Variants in ATF2 observed in about 807,000 individuals in gnomAD.
ATF2 encodes the protein cyclic AMP-dependent transcription factor ATF-2.
In ATF2, 24 loss-of-function variants were observed where a neutral mutation model predicts 60.6. The observed-to-expected ratio is 0.40, with a 90% confidence interval of 0.29 to 0.56. The LOEUF (loss-of-function observed/expected upper bound fraction) is 0.56. ATF2 is among the 20% of genes least tolerant of loss of function. The probability of loss-of-function intolerance (pLI) is 0.54; values close to 1 mark genes in which losing one functional copy is unlikely to be tolerated. For missense variants in ATF2, 433 were observed against 607.7 expected (o/e 0.71, Z 3.02); for synonymous variants, 206 against 215.4 (o/e 0.96, Z 0.38).
intron 4 of ATF2, among the ~76,000 whole-genome samples, chr2:175,121,942 C>T (rs1419547790): frequency 1.3e-5 from 2 of 151,750 alleles, no homozygotes; most frequent in Admixed American, 6.6e-5. Flanking sequence ...TTTACCTAGA[C>T]TTAAGGTTAC....
intron 2 of ATF2, chr2:175,147,798 T>C (rs531717393): frequency 6.6e-6 from 1 of 152,224 alleles, no homozygotes; most frequent in South Asian, 2.1e-4. Flanking sequence ...ATACATATAA[T>C]AATAAAGACA....
chr2:175,085,758 G>A (rs1574325493), intron 12 of ATF2, among the ~76,000 whole-genome samples: 1 of 152,220 alleles, frequency 6.6e-6, no homozygotes, highest in East Asian at 1.9e-4. Context: ...GCTAGGAAAG[G>A]TTAATGAACA....
At chr2:175,135,006 T>TAAAAAAA (rs60122560) in intron 3 of ATF2, among the ~76,000 whole-genome samples, 1 of 85,782 alleles carries the variant, frequency 1.2e-5, no homozygotes, top group African/African-American at 4.5e-5. Flanking sequence ...CCCATCTCTT[T>TAAAAAAA]AAAAAAAAAA....
At chr2:175,093,984 A>ATCT (rs1266494510) in intron 11 of ATF2, among the ~76,000 whole-genome samples, 1 of 152,220 alleles carries the variant, frequency 6.6e-6, no homozygotes, top group East Asian at 1.9e-4. Flanking sequence ...AGAGAAAGAA[A>ATCT]TCTTCAGTCA....
intron 10 of ATF2, 89 bp from the exon 11 acceptor site, chr2:175,097,682 T>C (rs1559062985): frequency 2.9e-6 from 4 of 1,402,132 alleles, no homozygotes; most frequent in Non-Finnish European, 3.9e-6. Context: ...CCTTGGGTAG[T>C]TTCCCTGAGT....
Position 175,072,903 on chromosome 2 carries a change from A to T in ATF2, c.*1706T>A, listed in dbSNP as rs1022404290. ...CATTTATATAATTTGAATGTTTCCCAGTTTGGAACTTAGGCAGGAGGGATA... is the reference window on the plus strand; with the variant it reads ...CATTTATATAATTTGAATGTTTCCCTGTTTGGAACTTAGGCAGGAGGGATA... On this transcript the variant is annotated 3_prime_UTR_variant, in exon 14 of 14. Transcript: ENST00000264110. The T allele has an allele frequency of 1.3e-5, 2 of 152,174 alleles. No homozygotes were observed. Among genetic ancestry groups the T allele is most frequent in the African/African-American group, 2.4e-5 (1 of 41,446 alleles). 9.4% of individuals were successfully genotyped at this position (152,174 alleles called of 1,614,324 possible). A position where few individuals can be genotyped will look rare whatever the true frequency, so the allele number is the denominator to read the frequency against.
chr2:175,128,440 T>C (rs1451469698), intron 4 of ATF2, among the ~76,000 whole-genome samples: 3 of 150,748 alleles, frequency 2.0e-5, no homozygotes, highest in Non-Finnish European at 4.4e-5. Flanking sequence ...GCGGAGATTG[T>C]GGTGAGCCGA....
At chr2:175,151,998 G>C (rs907535912) in intron 1 of ATF2, among the ~76,000 whole-genome samples, 3 of 152,142 alleles carry the variant, frequency 2.0e-5, no homozygotes, top group African/African-American at 4.8e-5. Flanking sequence ...TCATGGCTTA[G>C]AACTTAATCA....
chr2:175,144,171 A>G (rs1698786229), intron 2 of ATF2, among the ~76,000 whole-genome samples: 1 of 152,180 alleles, frequency 6.6e-6, no homozygotes, highest in South Asian at 2.1e-4. Flanking sequence ...TTTTCTTATG[A>G]CATGGATTTC....
chr2:175,094,976 G>A (rs1183135857), intron 11 of ATF2, among the ~76,000 whole-genome samples: 1 of 152,072 alleles, frequency 6.6e-6, no homozygotes, highest in East Asian at 1.9e-4. Context: ...TAAAGATTAA[G>A]CATTTAAATT....
intron 9 of ATF2, among the ~76,000 whole-genome samples, chr2:175,112,145 TG>T (rs1292552704): frequency 6.6e-6 from 1 of 152,260 alleles, no homozygotes; most frequent in Non-Finnish European, 1.5e-5. Flanking sequence ...TTTACCATTT[TG>T]GTTTTTTCCT....
intron 2 of ATF2, among the ~76,000 whole-genome samples, chr2:175,146,508 A>G (rs922479096): frequency 6.6e-6 from 1 of 152,198 alleles, no homozygotes; most frequent in Non-Finnish European, 1.5e-5. Flanking sequence ...AAACTTATAG[A>G]AGGAGTTTAA....
Position 175,134,399 on chromosome 2 carries a change from C to A in ATF2, c.32+2013G>T, listed in dbSNP as rs10930692. On this transcript the variant is annotated intron_variant, in intron 3 of 13. Transcript: ENST00000264110. ...GGAACAACTGTATATCTAAAAAAAA[C>A]GACTGATTTTCACAGGACTCTAAGT... is the stretch of plus-strand genomic sequence containing the variant. Among the ~76,000 whole-genome samples, 3 of 151,850 alleles carry A rather than the reference C, an allele frequency of 2.0e-5. No individual in the cohort carries two copies. In the South Asian group the frequency reaches 6.2e-4, roughly 32 times the overall value.
intron 12 of ATF2, among the ~76,000 whole-genome samples, chr2:175,085,668 C>T (rs554475023): frequency 4.6e-5 from 7 of 151,278 alleles, no homozygotes; most frequent in African/African-American, 9.7e-5. Context: ...TCAAACTTAA[C>T]GGTTGGTGGT....
Position 175,157,369 on chromosome 2 carries a change from G to A in ATF2, c.-142-6211C>T, listed in dbSNP as rs1026016310. 6.6e-5 allele frequency among the ~76,000 whole-genome samples: 10 copies of A among 152,090 alleles called. 1 individual carries two copies. The highest frequency in any genetic ancestry group is 3.3e-4 in the Admixed American group (5 of 15,262). The stretch of plus-strand genomic sequence containing the variant: ...GCAGTCTATCTACACAGCCACGCAG[G>A]GTGAGAGCTCACAATGACCAATCAG... On this transcript the variant is annotated intron_variant, in intron 1 of 13. Coordinates refer to ENST00000264110, the MANE Select transcript of ATF2 (RefSeq NM_001880.4).
intron 1 of ATF2, among the ~76,000 whole-genome samples, chr2:175,163,913 C>A (rs1169544790): frequency 9.0e-4 from 2 of 2,226 alleles, no homozygotes; most frequent in African/African-American, 1.2e-3. Flanking sequence ...ATAGCAACTC[C>A]GTCTCAAAAA....
At chr2:175,091,770 G>A (rs771170447) in intron 12 of ATF2, among the ~76,000 whole-genome samples, 10 of 152,210 alleles carry the variant, frequency 6.6e-5, no homozygotes, top group Non-Finnish European at 1.0e-4. Context: ...GGCTGAGGCA[G>A]GAGAATCACT....
intron 10 of ATF2, among the ~76,000 whole-genome samples, chr2:175,107,522 GCTCCCT>G (rs148488300): frequency 0.049 from 7,037 of 144,998 alleles, 542 homozygotes; most frequent in African/African-American, 0.17. Flanking sequence ...ACGTTTTGTG[GCTCCCT>G]CTCCCTCTCC....
chr2:175,121,655 GT>G (rs2105717389), intron 4 of ATF2, 115 bp from the exon 5 acceptor site: 1 of 699,580 alleles, frequency 1.4e-6, no homozygotes, highest in African/African-American at 1.8e-5. Flanking sequence ...TGAAATAGCA[GT>G]TTTTAAACTA....
Sources: allele counts gnomAD v4.1 joint callset (sites outside exome capture counted in the v4.1 genomes callset), GRCh38; gene constraint gnomAD v4.1.1; transcripts MANE v1.5; gene names NCBI Gene and HGNC (gene_info 2026-07-23, HGNC 2026-07-21).